The following LMBR1 variants were observed in gnomAD, a reference collection of about 807,000 sequenced individuals.
LMBR1 encodes the protein limb region 1 protein homolog.
Under a neutral mutation model 73.9 loss-of-function variants are expected in LMBR1, and 52 were observed. The observed-to-expected ratio is 0.70, with a 90% CI of 0.56 to 0.89. LMBR1 has a LOEUF of 0.89. Among genes scored for constraint, LMBR1 ranks in the 40% least tolerant of loss-of-function variants. The pLI is 0.00. For synonymous variants in LMBR1, 215 were observed against 209.4 expected (o/e 1.03, Z -0.23); for missense variants, 539 against 579.8 (o/e 0.93, Z 0.72).
chr7:156,821,245 G>A (rs563754816), intron 4 of LMBR1, among the ~76,000 whole-genome samples: 7 of 152,310 alleles, frequency 4.6e-5, no homozygotes, highest in South Asian at 4.1e-4. Context: ...CAATGCCGAC[G>A]GTCCCCACTC....
At chr7:156,889,356 T>C (rs1425374560) in intron 1 of LMBR1, among the ~76,000 whole-genome samples, 3 of 126,882 alleles carry the variant, frequency 2.4e-5, no homozygotes, top group African/African-American at 6.0e-5. Context: ...ATATGGTAAA[T>C]TGCATGTTAT....
At chr7:156,719,118 T>A (rs1216834158) in intron 15 of LMBR1, among the ~76,000 whole-genome samples, 1 of 146,834 alleles carries the variant, frequency 6.8e-6, no homozygotes, top group Non-Finnish European at 1.5e-5. Flanking sequence ...TATCTCCTAA[T>A]GCTATCCCCC....
At chr7:156,705,848 G>C (rs965327828) in intron 15 of LMBR1, among the ~76,000 whole-genome samples, 3 of 151,966 alleles carry the variant, frequency 2.0e-5, no homozygotes. Context: ...AAACCACAAA[G>C]AGAAATAGAG....
chr7:156,839,136 AC>A (rs748805913), intron 1 of LMBR1, among the ~76,000 whole-genome samples: 1 of 131,252 alleles, frequency 7.6e-6, no homozygotes, highest in Non-Finnish European at 1.5e-5. Context: ...TGCAACCTCC[AC>A]CTCCCAGGTT....
chr7:156,834,803 TG>T (rs1837310862), intron 2 of LMBR1, among the ~76,000 whole-genome samples: 1 of 152,004 alleles, frequency 6.6e-6, no homozygotes, highest in Non-Finnish European at 1.5e-5. Context: ...CAATCTCTTT[TG>T]TCCTCCCACA....
chr7:156,864,826 T>C (rs752274456), intron 1 of LMBR1, among the ~76,000 whole-genome samples: 6 of 151,718 alleles, frequency 4.0e-5, no homozygotes, highest in Non-Finnish European at 8.8e-5. Flanking sequence ...TGAAACCCCA[T>C]CTCTACTAAA....
rs142281696 is a variant in LMBR1, at chr7:156,775,512, T to C, written c.424-11717A>G. Among the ~76,000 whole-genome samples, 317 of 152,344 alleles carry C rather than the reference T, an allele frequency of 2.1e-3. 4 individuals are homozygous for C. Among genetic ancestry groups the C allele is most frequent in the Admixed American group, 0.014 (214 of 15,298 alleles). On this transcript the variant is annotated intron_variant, in intron 5 of 16. Transcript: ENST00000353442. ...AGATGAATGAATTATTATACTTCCA[T>C]AGCGTAAGACATTATATCTTAAATC...
chr7:156,853,816 C>T lies in LMBR1; in HGVS notation c.67-16931G>A, dbSNP rs538579575. 1.5e-3 allele frequency among the ~76,000 whole-genome samples: 228 copies of T among 151,992 alleles called. 1 individual carries two copies. Among genetic ancestry groups the T allele is most frequent in the African/African-American group, 5.2e-3 (217 of 41,426 alleles). On this transcript the variant is annotated intron_variant, in intron 1 of 16. Coordinates refer to ENST00000353442, the MANE Select transcript of LMBR1 (RefSeq NM_022458.4). ...GATTACAGGCACCTGCCACCACACC[C>T]GGCTAATTTTTGTATTTTTGGTAGA...
At chr7:156,772,708 C>T (rs935887203) in intron 5 of LMBR1, among the ~76,000 whole-genome samples, 2 of 151,892 alleles carry the variant, frequency 1.3e-5, no homozygotes, top group Non-Finnish European at 1.5e-5. Context: ...ATTAGCTGGG[C>T]GTGGTGGCAG....
Position 156,670,182 on chromosome 7 carries a change from C to A in LMBR1, n.867-895G>T, listed in dbSNP as rs984329794. On this transcript the variant is annotated intron_variant and non_coding_transcript_variant, in intron 4 of 4. Coordinates refer to the LMBR1 transcript ENST00000430825. The surrounding 1 kb of genome is among the most constrained non-coding windows in gnomAD (Gnocchi z 4.3). ...GTCATACGTGGAATCACCAAAAGCA[C>A]ACAATTCGTATTTCCCACCCACTAG... 6.6e-6 allele frequency among the ~76,000 whole-genome samples: 1 copy of A among 152,220 alleles called. No individual in the cohort carries two copies. The highest frequency in any genetic ancestry group is 1.5e-5 in the Non-Finnish European group (1 of 68,036).
intron 1 of LMBR1, among the ~76,000 whole-genome samples, chr7:156,880,183 T>C (rs1201246199): frequency 6.6e-6 from 1 of 152,110 alleles, no homozygotes; most frequent in Non-Finnish European, 1.5e-5. Context: ...AGGAATGAAA[T>C]AATGGCATTC....
intron 1 of LMBR1, among the ~76,000 whole-genome samples, chr7:156,886,854 T>C (rs548252093): frequency 6.6e-6 from 1 of 152,336 alleles, no homozygotes; most frequent in Non-Finnish European, 1.5e-5. Context: ...TCTTCAGATC[T>C]CTATTTTAAC....
chr7:156,706,252 C>G (rs921164427), intron 15 of LMBR1, among the ~76,000 whole-genome samples: 28 of 150,952 alleles, frequency 1.9e-4, no homozygotes, highest in African/African-American at 6.8e-4. Flanking sequence ...TACATGCAGC[C>G]AACAGCACCA....
chr7:156,708,364 C>A (rs1811407526), intron 15 of LMBR1, among the ~76,000 whole-genome samples: 1 of 152,220 alleles, frequency 6.6e-6, no homozygotes, highest in Non-Finnish European at 1.5e-5. Context: ...CACATCCTCA[C>A]TGTGGTAGCT....
chr7:156,711,421 A>G (rs1554478224), intron 15 of LMBR1, among the ~76,000 whole-genome samples: 1 of 152,204 alleles, frequency 6.6e-6, no homozygotes. Context: ...TAAAATGACC[A>G]CACTACTGCA....
chr7:156,684,493 C>T lies in LMBR1; in HGVS notation c.1388-330G>A, dbSNP rs142691819. Among the ~76,000 whole-genome samples the T allele has an allele frequency of 1.9e-3, 296 of 152,292 alleles. 2 individuals are homozygous for T. The highest frequency in any genetic ancestry group is 6.8e-3 in the Middle Eastern group (2 of 294). On this transcript the variant is annotated intron_variant, in intron 16 of 16. Transcript: ENST00000353442. ...CAACATCCCCGAGGGCCAGCGGAGGCTTCCAGTGTGACTGCATCACGGCAC... is the reference window on the plus strand; with the variant it reads ...CAACATCCCCGAGGGCCAGCGGAGGTTTCCAGTGTGACTGCATCACGGCAC...
chr7:156,743,166 T>C (rs1819218899), intron 9 of LMBR1, among the ~76,000 whole-genome samples: 1 of 152,280 alleles, frequency 6.6e-6, no homozygotes, highest in East Asian at 1.9e-4. Context: ...CTCACTCTAC[T>C]TCGTCTGGTG....
At chr7:156,892,866 G>A in intron 1 of LMBR1, 62 bp downstream of exon 1, 5 of 1,289,768 alleles carry the variant, frequency 3.9e-6, no homozygotes, top group East Asian at 3.2e-5. Flanking sequence ...GGGCCCGGGG[G>A]CGGGGACGGA....
At chr7:156,696,383 C>T (rs1284912338) in intron 15 of LMBR1, among the ~76,000 whole-genome samples, 1 of 152,086 alleles carries the variant, frequency 6.6e-6, no homozygotes. Context: ...TAAATCCAAT[C>T]GTTAAAATTA....
Sources: gnomAD v4.1 joint callset for allele counts (sites outside exome capture counted in the v4.1 genomes callset) on GRCh38, gnomAD v4.1.1 for gene constraint, Gnocchi (gnomAD v3.1) non-coding constraint, MANE v1.5 for transcripts, NCBI Gene and HGNC (gene_info 2026-07-23, HGNC 2026-07-21) for gene names.